The following GAS7 variants were observed in gnomAD, a reference collection of about 807,000 sequenced individuals.
GAS7 encodes growth arrest-specific protein 7.
Under a neutral mutation model 71.1 loss-of-function variants are expected in GAS7, and 28 were observed. The ratio of observed to expected loss-of-function variants is 0.39; its 90% CI spans 0.29 to 0.54. The LOEUF is 0.54. GAS7 is among the 20% of genes least tolerant of loss of function. GAS7 has a pLI of 0.62. For missense variants in GAS7, 436 were observed against 627.8 expected (o/e 0.69, Z 3.27); for synonymous variants, 258 against 245.8 (o/e 1.05, Z -0.46).
chr17:10,019,655 G>A (rs1452496165), intron 2 of GAS7, 122 bp downstream of exon 2: 1 of 945,604 alleles, frequency 1.1e-6, no homozygotes, highest in Admixed American at 2.4e-5. Context: ...TAGCCCCTGA[G>A]CATAGACTTA....
intron 2 of GAS7, among the ~76,000 whole-genome samples, chr17:10,006,399 G>A (rs959319770): frequency 1.5e-5 from 2 of 132,772 alleles, no homozygotes; most frequent in African/African-American, 5.7e-5. Context: ...GCGCGATCTC[G>A]GCTCACTGCA....
chr17:9,972,832 A>C (rs1344674029), intron 3 of GAS7, among the ~76,000 whole-genome samples: 1 of 152,244 alleles, frequency 6.6e-6, no homozygotes, highest in African/African-American at 2.4e-5. Context: ...ATGCCAGATC[A>C]AAAAGGAATT....
intron 1 of GAS7, among the ~76,000 whole-genome samples, chr17:10,156,760 T>A (rs2074208172): frequency 6.6e-6 from 1 of 152,110 alleles, no homozygotes; most frequent in Non-Finnish European, 1.5e-5. Context: ...CAGTGGCTTC[T>A]TTAGAGCAGT....
At chr17:10,033,298 A>G (rs2072667324) in intron 1 of GAS7, among the ~76,000 whole-genome samples, 1 of 152,238 alleles carries the variant, frequency 6.6e-6, no homozygotes, top group East Asian at 1.9e-4. Context: ...AAGCCTGGGA[A>G]CAAGAGAGTT....
chr17:10,033,361 C>T (rs2072669863), intron 1 of GAS7, among the ~76,000 whole-genome samples: 1 of 152,082 alleles, frequency 6.6e-6, no homozygotes, highest in Admixed American at 6.6e-5. Context: ...GACTATCCTC[C>T]CTAGCCTTCC....
intron 1 of GAS7, among the ~76,000 whole-genome samples, chr17:10,120,885 C>T (rs1159958464): frequency 6.6e-6 from 1 of 152,180 alleles, no homozygotes; most frequent in African/African-American, 2.4e-5. Flanking sequence ...GCCCCCACCC[C>T]TCCTCTCATC....
chr17:10,133,960 G>A (rs933935728), intron 1 of GAS7, among the ~76,000 whole-genome samples: 1 of 152,062 alleles, frequency 6.6e-6, no homozygotes, highest in African/African-American at 2.4e-5. Flanking sequence ...AAACCAAAAT[G>A]CTCCAATGAC....
chr17:10,172,207 A>G (rs1038291799), intron 1 of GAS7, among the ~76,000 whole-genome samples: 1 of 152,226 alleles, frequency 6.6e-6, no homozygotes, highest in African/African-American at 2.4e-5. Context: ...AGAAGTCTCT[A>G]AATCTAAGCC....
In GAS7 at chr17:9,959,379, T is replaced by C; in HGVS notation, c.472-124A>G. ...AGGGATGCTCAGTCTGAATCCTAAG[T>C]CACCATATTCTGGGCCAGGGCAAGC... On this transcript the variant is annotated intron_variant, in intron 4 of 13. Transcript: ENST00000432992. This position sits in a 1 kb window ranked among gnomAD's most constrained non-coding sequence, Gnocchi z 5.0. 6.5e-7 allele frequency: 1 copy of C among 1,532,204 alleles called. No individual in the cohort carries two copies. Among genetic ancestry groups the C allele is most frequent in the Non-Finnish European group, 8.8e-7 (1 of 1,135,720 alleles). The allele number at this position is 1,532,204 out of a possible 1,614,324, so 94.9% of individuals were successfully genotyped here.
intron 2 of GAS7, among the ~76,000 whole-genome samples, chr17:10,007,228 C>T (rs2071571815): frequency 1.3e-5 from 2 of 152,226 alleles, no homozygotes; most frequent in East Asian, 3.9e-4. Context: ...ATAGAATCTG[C>T]GTATTGTTTT....
chr17:9,999,125 T>C (rs915963710), intron 2 of GAS7, among the ~76,000 whole-genome samples: 1 of 152,246 alleles, frequency 6.6e-6, no homozygotes, highest in African/African-American at 2.4e-5. Context: ...TTTTTGTTGC[T>C]GTTTTCTGAG....
intron 1 of GAS7, among the ~76,000 whole-genome samples, chr17:10,063,771 C>T (rs544318853): frequency 6.6e-6 from 1 of 152,304 alleles, no homozygotes; most frequent in African/African-American, 2.4e-5. Context: ...TCCTGACCAC[C>T]GTCTAGTATG....
intron 1 of GAS7, among the ~76,000 whole-genome samples, chr17:10,154,098 A>G (rs1159732752): frequency 6.6e-6 from 1 of 152,224 alleles, no homozygotes; most frequent in Admixed American, 6.5e-5. Context: ...GATAGAAAGG[A>G]AAGTAAAAAT....
chr17:10,153,899 C>T (rs1045629754), intron 1 of GAS7, among the ~76,000 whole-genome samples: 4 of 151,750 alleles, frequency 2.6e-5, no homozygotes, highest in Non-Finnish European at 5.9e-5. Flanking sequence ...AGATTCATCT[C>T]TATAAAAACA....
chr17:9,989,995 CAT>C (rs2070778753), intron 2 of GAS7, among the ~76,000 whole-genome samples: 1 of 152,112 alleles, frequency 6.6e-6, no homozygotes, highest in Non-Finnish European at 1.5e-5. Flanking sequence ...CCTGGCCGGG[CAT>C]GGTGGCTCAC....
rs190554252 is a variant in GAS7 at position 10,091,837 on chromosome 17, A to T, written c.184-71940T>A. 2.2e-4 allele frequency among the ~76,000 whole-genome samples: 33 copies of T among 152,116 alleles called. No homozygotes were observed. The East Asian group carries it at 6.4e-3, about 29-fold the overall frequency. ...GCAGGGACTGCAGGCACATGCCACC[A>T]TATCTGGCTAAGTTTTGTAATTTTT... On this transcript the variant is annotated intron_variant, in intron 1 of 13. Coordinates refer to ENST00000432992, the MANE Select transcript of GAS7 (RefSeq NM_201433.2).
rs768788538 is a variant in GAS7, at chr17:9,926,600, C to T, written c.1014+41G>A. On this transcript the variant is annotated intron_variant, in intron 10 of 13. Transcript: ENST00000432992. This position sits in a 1 kb window ranked among gnomAD's most constrained non-coding sequence, Gnocchi z 5.0. Reference sequence around the variant, plus strand: ...CCAGTCCCCCTTCTTCCAGGCAGTCCCCCATGCACCTGCCCTGGCCCAGCG... The same window carrying T: ...CCAGTCCCCCTTCTTCCAGGCAGTCTCCCATGCACCTGCCCTGGCCCAGCG... 5.0e-6 allele frequency: 8 copies of T among 1,602,918 alleles called. No individual in the cohort carries two copies. Among genetic ancestry groups the T allele is most frequent in the Non-Finnish European group, 6.8e-6 (8 of 1,174,148 alleles).
rs74827301 is a variant in GAS7 at position 9,998,002 on chromosome 17, G to T, written c.305-16118C>A. Among the ~76,000 whole-genome samples, 104 of 152,292 alleles carry T rather than the reference G, an allele frequency of 6.8e-4. 1 individual carries two copies. The highest frequency in any genetic ancestry group is 2.3e-3 in the African/African-American group (97 of 41,560). On this transcript the variant is annotated intron_variant, in intron 2 of 13. Transcript: ENST00000432992. ...ACACCCTGTTTTTCTAGGTTCTTAC[G>T]GGGGCTTCAGTACATAGACACGATT...
intron 9 of GAS7, chr17:9,927,103 T>A (rs1323181259): frequency 3.9e-6 from 1 of 253,346 alleles, no homozygotes; most frequent in Non-Finnish European, 7.8e-6. Context: ...ATTTATGGTT[T>A]ATAATATGCT....
Sources: gnomAD v4.1 joint callset for allele counts (sites outside exome capture counted in the v4.1 genomes callset) on GRCh38, gnomAD v4.1.1 for gene constraint, Gnocchi (gnomAD v3.1) non-coding constraint, MANE v1.5 for transcripts, NCBI Gene and HGNC (gene_info 2026-07-23, HGNC 2026-07-21) for gene names.